Variants in SEMA6D observed in about 807,000 individuals in gnomAD.
SEMA6D encodes semaphorin 6D.
In SEMA6D, 35 loss-of-function variants were observed where a neutral mutation model predicts 106.6. The ratio of observed to expected loss-of-function variants is 0.33; its 90% CI spans 0.25 to 0.44. The LOEUF (loss-of-function observed/expected upper bound fraction) is 0.44, where lower values mean the gene tolerates loss of function less well. SEMA6D is among the 20% of genes least tolerant of loss of function. The pLI is 1.00. For missense variants in SEMA6D, 1,185 were observed against 1,345.9 expected (o/e 0.88, Z 1.87); for synonymous variants, 499 against 487.7 (o/e 1.02, Z -0.31).
In SEMA6D at chr15:47,348,650, G is replaced by T. The variant is rs1172054124; in HGVS notation, c.-238-63743G>T. On this transcript the variant is annotated intron_variant, in intron 1 of 19. Coordinates refer to the SEMA6D transcript ENST00000558014. ...GTACATATGTGATTTCATGAAACCA[G>T]GCCACCTTGACTCAAGAGTACATCA... 2.1e-5 allele frequency among the ~76,000 whole-genome samples: 3 copies of T among 143,994 alleles called. No individual in the cohort carries two copies. The Admixed American group carries it at 2.1e-4, about 10-fold the overall frequency. The allele number at this position is 143,994 out of a possible 152,430, so 94.5% of individuals were successfully genotyped here.
At position 47,773,651 on chromosome 15, in the gene SEMA6D, T is replaced by A. The variant is rs994451017; in HGVS notation, c.*1866T>A. The A allele has an allele frequency of 3.9e-5, 6 of 152,624 alleles. No homozygotes were observed. Among genetic ancestry groups the A allele is most frequent in the Non-Finnish European group, 7.3e-5 (5 of 68,050 alleles). The allele number at this position is 152,624 out of a possible 1,614,324, so 9.5% of individuals were successfully genotyped here. On this transcript the variant is annotated 3_prime_UTR_variant, in exon 19 of 19. Coordinates refer to ENST00000536845, the MANE Select transcript of SEMA6D (RefSeq NM_001358351.3). ...AAATACTGATACAGTTATTCTTTTT[T>A]TTAAAGAACATTGTTTTATAAAGAA...
rs1239520740 is a variant in SEMA6D at position 47,743,386 on chromosome 15, T to G, written c.-54-16359T>G. Among the ~76,000 whole-genome samples the G allele has an allele frequency of 2.0e-5, 3 of 152,306 alleles. No individual in the cohort carries two copies. In the East Asian group the frequency reaches 5.8e-4, roughly 29 times the overall value. ...GCTCTGTGGAGATTTTTCAATGTTT[T>G]TTTTTTCTTGAGAAGGCACAGGGTC... On this transcript the variant is annotated intron_variant, in intron 1 of 18. Transcript: ENST00000536845.
At chr15:47,356,817 C>T (rs1442710147) in intron 1 of SEMA6D, among the ~76,000 whole-genome samples, 1 of 152,140 alleles carries the variant, frequency 6.6e-6, no homozygotes, top group Non-Finnish European at 1.5e-5. Context: ...CTAAAGGCCT[C>T]AGGATGTGTT....
intron 3 of SEMA6D, among the ~76,000 whole-genome samples, chr15:47,570,222 C>G (rs1027558570): frequency 6.6e-6 from 1 of 152,148 alleles, no homozygotes; most frequent in Non-Finnish European, 1.5e-5. Flanking sequence ...CTCTGACTGC[C>G]CCAGCAATCT....
In SEMA6D at chr15:47,534,084, G is replaced by C. The variant is rs143436467; in HGVS notation, c.-87+63539G>C. Among the ~76,000 whole-genome samples the C allele has an allele frequency of 9.8e-3, 1,488 of 152,236 alleles. 9 individuals carry two copies. Among genetic ancestry groups the C allele is most frequent in the Admixed American group, 0.021 (314 of 15,284 alleles). Reference sequence around the variant, plus strand: ...ATGCTTTGTGGCACAGATTGCCAGGGTGCCTATCACCTGGAAGGAAAGAAG... The same window carrying C: ...ATGCTTTGTGGCACAGATTGCCAGGCTGCCTATCACCTGGAAGGAAAGAAG... On this transcript the variant is annotated intron_variant, in intron 3 of 19. Transcript: ENST00000558014.
chr15:47,432,173 C>T (rs552917613), intron 2 of SEMA6D, among the ~76,000 whole-genome samples: 1 of 152,186 alleles, frequency 6.6e-6, no homozygotes, highest in Non-Finnish European at 1.5e-5. Context: ...CCTGTTAATA[C>T]TCACACTGAA....
chr15:47,379,677 A>G (rs2039571382), intron 1 of SEMA6D, among the ~76,000 whole-genome samples: 1 of 152,218 alleles, frequency 6.6e-6, no homozygotes, highest in Non-Finnish European at 1.5e-5. Flanking sequence ...GGAATTTTTA[A>G]TGAGAGAAAT....
chr15:47,722,427 C>T (rs537003505), intron 1 of SEMA6D, among the ~76,000 whole-genome samples: 9 of 152,150 alleles, frequency 5.9e-5, no homozygotes, highest in South Asian at 2.1e-4. Flanking sequence ...ATATGGGGCC[C>T]GTGTGTACTA....
At chr15:47,293,168 T>G (rs1197855986) in intron 1 of SEMA6D, among the ~76,000 whole-genome samples, 1 of 152,138 alleles carries the variant, frequency 6.6e-6, no homozygotes, top group Non-Finnish European at 1.5e-5. Context: ...GGAGATGCCT[T>G]GCGGCCCACC....
chr15:47,746,149 T>C (rs2081119731), intron 1 of SEMA6D, among the ~76,000 whole-genome samples: 1 of 152,218 alleles, frequency 6.6e-6, no homozygotes, highest in Admixed American at 6.5e-5. Context: ...TAAAAATTCT[T>C]GGCTTTTAAA....
At chr15:47,457,537 A>G (rs969178111) in intron 2 of SEMA6D, among the ~76,000 whole-genome samples, 2 of 151,982 alleles carry the variant, frequency 1.3e-5, no homozygotes, top group African/African-American at 4.8e-5. Flanking sequence ...TTGTAGAGAT[A>G]AAATATAACT....
At chr15:47,272,757 A>G (rs1388210349) in intron 1 of SEMA6D, 2 of 152,392 alleles carry the variant, frequency 1.3e-5, no homozygotes, top group African/African-American at 4.8e-5. Flanking sequence ...GAACATCCCC[A>G]ATAGAGGAAG....
chr15:47,651,197 G>C (rs2077683394), intron 4 of SEMA6D, among the ~76,000 whole-genome samples: 1 of 152,038 alleles, frequency 6.6e-6, no homozygotes, highest in Non-Finnish European at 1.5e-5. Flanking sequence ...GTCGCTTGAG[G>C]CCAGGAATAT....
intron 1 of SEMA6D, among the ~76,000 whole-genome samples, chr15:47,241,957 C>G (rs1193863966): frequency 6.6e-6 from 1 of 152,022 alleles, no homozygotes; most frequent in Non-Finnish European, 1.5e-5. Flanking sequence ...CCAATCTGTA[C>G]AAGCTTTGTG....
intron 2 of SEMA6D, among the ~76,000 whole-genome samples, chr15:47,457,168 CA>C (rs1276648388): frequency 2.0e-5 from 3 of 151,920 alleles, no homozygotes; most frequent in African/African-American, 7.2e-5. Flanking sequence ...TCTTCTATAA[CA>C]AAGATTATAA....
intron 1 of SEMA6D, among the ~76,000 whole-genome samples, chr15:47,331,514 G>A (rs996371372): frequency 2.0e-5 from 3 of 152,086 alleles, no homozygotes; most frequent in Admixed American, 6.6e-5. Context: ...GGAAAAACAT[G>A]TATAGTGTTA....
intron 1 of SEMA6D, among the ~76,000 whole-genome samples, chr15:47,268,029 T>C (rs111902095): frequency 6.6e-6 from 1 of 152,142 alleles, no homozygotes; most frequent in Non-Finnish European, 1.5e-5. Flanking sequence ...TGGTGTTATC[T>C]GGAAGCTTAT....
chr15:47,750,824 G>A (rs1014342335), intron 1 of SEMA6D, among the ~76,000 whole-genome samples: 3 of 152,342 alleles, frequency 2.0e-5, no homozygotes, highest in East Asian at 1.9e-4. Flanking sequence ...AGCGAGAGAG[G>A]ATGTATTTAT....
chr15:47,686,936 T>C (rs746069288), intron 4 of SEMA6D, among the ~76,000 whole-genome samples: 2 of 151,632 alleles, frequency 1.3e-5, no homozygotes, highest in African/African-American at 2.4e-5. Flanking sequence ...AGGGATGGCT[T>C]GTACCTGTAG....
Sources: gnomAD v4.1 joint callset for allele counts (sites outside exome capture counted in the v4.1 genomes callset) on GRCh38, gnomAD v4.1.1 for gene constraint, MANE v1.5 for transcripts, NCBI Gene and HGNC (gene_info 2026-07-23, HGNC 2026-07-21) for gene names.